CSMD1: variants seen among roughly 807,000 people sequenced by gnomAD.
CSMD1 encodes CUB and sushi domain-containing protein 1.
In CSMD1, 213 loss-of-function variants were observed where a neutral mutation model predicts 417.5. The ratio of observed to expected loss-of-function variants is 0.51; its 90% CI spans 0.46 to 0.57. The LOEUF is 0.57. Ranked by LOEUF, CSMD1 falls within the 20% of genes least tolerant of loss-of-function variation. The probability of loss-of-function intolerance (pLI) is 0.00; values close to 1 mark genes in which losing one functional copy is unlikely to be tolerated. For synonymous variants in CSMD1, 2,862 were observed against 1,736.8 expected, an observed-to-expected ratio of 1.65 and a Z score of -16.11; for missense variants, 6,923 against 4,529.7, an observed-to-expected ratio of 1.53 and a Z score of -15.17.
chr8:3,327,833 A>T (rs968441378), intron 23 of CSMD1, among the ~76,000 whole-genome samples: 2 of 152,120 alleles, frequency 1.3e-5, no homozygotes, highest in Admixed American at 6.6e-5. Context: ...CCGGGTCCTC[A>T]TTTCTCTTCA....
At chr8:3,381,367 T>G (rs764805394) in intron 18 of CSMD1, among the ~76,000 whole-genome samples, 3 of 152,256 alleles carry the variant, frequency 2.0e-5, no homozygotes, top group Non-Finnish European at 4.4e-5. Flanking sequence ...AAATGCACAG[T>G]ATCATCCAAG....
intron 3 of CSMD1, among the ~76,000 whole-genome samples, chr8:4,146,201 G>A (rs973967639): frequency 1.3e-5 from 2 of 150,930 alleles, no homozygotes; most frequent in Non-Finnish European, 2.9e-5. Context: ...CAAAAAAAGG[G>A]TGATATCGTT....
At chr8:4,741,851 T>A (rs952294903) in intron 1 of CSMD1, among the ~76,000 whole-genome samples, 1 of 151,926 alleles carries the variant, frequency 6.6e-6, no homozygotes, top group African/African-American at 2.4e-5. Flanking sequence ...TCCTTGTTTT[T>A]GAGACAGGAT....
At chr8:4,756,240 G>A (rs1034874375) in intron 1 of CSMD1, among the ~76,000 whole-genome samples, 1 of 152,118 alleles carries the variant, frequency 6.6e-6, no homozygotes, top group East Asian at 1.9e-4. Context: ...ATGATGAAAT[G>A]GGTTATACAG....
intron 5 of CSMD1, among the ~76,000 whole-genome samples, chr8:3,761,572 C>T (rs1384315430): frequency 7.8e-6 from 1 of 128,998 alleles, no homozygotes; most frequent in Non-Finnish European, 1.5e-5. Context: ...ATGAGATGAT[C>T]TCAGCTCACT....
At chr8:3,397,339 T>G (rs1811765404) in intron 16 of CSMD1, among the ~76,000 whole-genome samples, 1 of 152,100 alleles carries the variant, frequency 6.6e-6, no homozygotes, top group Non-Finnish European at 1.5e-5. Flanking sequence ...GGGGAAGCAA[T>G]CTTAGCCTCA....
At chr8:3,793,172 G>A (rs563960380) in intron 5 of CSMD1, among the ~76,000 whole-genome samples, 28 of 152,246 alleles carry the variant, frequency 1.8e-4, no homozygotes, top group Middle Eastern at 3.4e-3. Context: ...AGGGGCTGAT[G>A]GATTTTGGCA....
At chr8:3,332,671 G>C (rs1241290281) in intron 23 of CSMD1, among the ~76,000 whole-genome samples, 8 of 151,912 alleles carry the variant, frequency 5.3e-5, no homozygotes, top group African/African-American at 1.9e-4. Flanking sequence ...GTGTGGGAGT[G>C]CGTGCATGTG....
chr8:3,496,178 C>T (rs144780588), intron 10 of CSMD1, among the ~76,000 whole-genome samples: 2 of 152,262 alleles, frequency 1.3e-5, no homozygotes, highest in East Asian at 1.9e-4. Context: ...CTACTCCTGC[C>T]ATTTTTCTTA....
Position 3,361,633 on chromosome 8 carries a change from C to G in CSMD1, c.3116-2293G>C, listed in dbSNP as rs1345166877. ...CACCACTGCATTCAAGCCTGGGCAACAGAGCAAGATTCCATCTCAAAAAAA... is the reference window on the plus strand; with the variant it reads ...CACCACTGCATTCAAGCCTGGGCAAGAGAGCAAGATTCCATCTCAAAAAAA... On this transcript the variant is annotated intron_variant, in intron 20 of 69. Coordinates refer to ENST00000635120, the MANE Select transcript of CSMD1 (RefSeq NM_033225.6). Among the ~76,000 whole-genome samples, 3 of 95,994 alleles carry G rather than the reference C, an allele frequency of 3.1e-5. No individual in the cohort carries two copies. In the Admixed American group the frequency reaches 5.2e-4, roughly 17 times the overall value. The allele number at this position is 95,994 out of a possible 152,430, so 63.0% of individuals were successfully genotyped here.
rs1802184478 is a variant in CSMD1 at position 4,500,156 on chromosome 8, A to G, written c.303-80091T>C. Among the ~76,000 whole-genome samples, 6 of 152,194 alleles carry G rather than the reference A, an allele frequency of 3.9e-5. No homozygotes were observed. The South Asian group carries it at 1.0e-3, about 26-fold the overall frequency. On this transcript the variant is annotated intron_variant, in intron 2 of 69. Transcript: ENST00000635120. ...GAAGAGGAGAAGTTATACGAGGTGA[A>G]AAGTATAAAGAGGCTGGGAGAATAC...
intron 30 of CSMD1, among the ~76,000 whole-genome samples, chr8:3,207,432 T>G (rs1338792314): frequency 6.6e-6 from 1 of 151,968 alleles, no homozygotes; most frequent in African/African-American, 2.4e-5. Context: ...CGTGAGCCAC[T>G]GAGTCCGGCC....
intron 48 of CSMD1, 72 bp downstream of exon 48, chr8:3,091,444 A>G (rs1814936216): frequency 8.8e-7 from 1 of 1,137,002 alleles, no homozygotes; most frequent in South Asian, 1.7e-5. Flanking sequence ...ATTTCTATTT[A>G]AATTGTTTTA....
intron 4 of CSMD1, among the ~76,000 whole-genome samples, chr8:3,999,536 G>T (rs75539376): frequency 0.024 from 3,701 of 152,224 alleles, 66 homozygotes; most frequent in Non-Finnish European, 0.039. Flanking sequence ...GGTGATATAG[G>T]TCCCTTCAAA....
chr8:4,452,575 T>C (rs1301354557), intron 2 of CSMD1, among the ~76,000 whole-genome samples: 2 of 152,176 alleles, frequency 1.3e-5, no homozygotes, highest in Admixed American at 1.3e-4. Context: ...ATCAAGAATA[T>C]TAAACATCAG....
intron 3 of CSMD1, among the ~76,000 whole-genome samples, chr8:4,164,186 C>A (rs1409768865): frequency 5.0e-5 from 6 of 119,438 alleles, no homozygotes; most frequent in Admixed American, 1.8e-4. Context: ...GGAATTAATA[C>A]AGGATTTTTG....
chr8:3,029,577 C>T (rs1023104199), intron 50 of CSMD1, 64 bp from the exon 51 acceptor site: 8 of 1,407,782 alleles, frequency 5.7e-6, no homozygotes, highest in East Asian at 2.5e-5. Context: ...ACCGTGCTTG[C>T]TTTGGATGGC....
rs943243699 is a variant in CSMD1 at position 3,502,573 on chromosome 8, A to T, written c.1345-8847T>A. On this transcript the variant is annotated intron_variant, in intron 10 of 69. Transcript: ENST00000635120. The stretch of plus-strand genomic sequence containing the variant: ...CAAGCCATGAGAAAACATGGGGGAA[A>T]ACTAAATATATTTTACCAAGTGAAA... Among the ~76,000 whole-genome samples the T allele has an allele frequency of 2.0e-5, 3 of 152,246 alleles. No individual in the cohort carries two copies. In the East Asian group the frequency reaches 5.8e-4, roughly 29 times the overall value.
chr8:3,579,955 T>G (rs1485840878), intron 9 of CSMD1, among the ~76,000 whole-genome samples: 1 of 151,892 alleles, frequency 6.6e-6, no homozygotes, highest in Non-Finnish European at 1.5e-5. Flanking sequence ...CATACAAAAA[T>G]TAGCTGGGTG....
Sources: gnomAD v4.1 joint callset for allele counts (sites outside exome capture counted in the v4.1 genomes callset) on GRCh38, gnomAD v4.1.1 for gene constraint, MANE v1.5 for transcripts, NCBI Gene and HGNC (gene_info 2026-07-23, HGNC 2026-07-21) for gene names.